The following SOD2 variants were observed in gnomAD, a reference collection of about 807,000 sequenced individuals.
The protein encoded by SOD2 is superoxide dismutase [Mn], mitochondrial.
A neutral mutation model predicts 27.0 loss-of-function variants in SOD2; 11 were observed. That is an observed-to-expected ratio of 0.41 (90% CI 0.26 to 0.67). SOD2 has a LOEUF of 0.67. Among genes scored for constraint, SOD2 ranks in the 30% least tolerant of loss-of-function variants. SOD2 has a pLI of 0.34. For synonymous variants in SOD2, 105 were observed against 103.0 expected, an observed-to-expected ratio of 1.02 and a Z score of -0.12; for missense variants, 250 against 274.5, an observed-to-expected ratio of 0.91 and a Z score of 0.63.
intron 1 of SOD2, among the ~76,000 whole-genome samples, chr6:159,733,854 T>G (rs1368935375): frequency 1.3e-5 from 2 of 152,136 alleles, no homozygotes; most frequent in South Asian, 2.1e-4. Context: ...AGGCGGAGGT[T>G]GCGGTGAGCC....
At chr6:159,761,966 G>A (rs1340680667) in exon 1 of SOD2, 5 of 1,124,772 alleles carry the variant, frequency 4.4e-6, no homozygotes, top group East Asian at 2.6e-5. Context: ...TGGTGCGCGG[G>A]GAGGTGGAGG....
At chr6:159,741,146 G>A (rs375101026) in intron 1 of SOD2, among the ~76,000 whole-genome samples, 1 of 152,142 alleles carries the variant, frequency 6.6e-6, no homozygotes, top group Non-Finnish European at 1.5e-5. Flanking sequence ...TCAGGGCAGG[G>A]TGCTTTCCAT....
intron 1 of SOD2, chr6:159,753,640 CGTT>C (rs1562467893): frequency 9.5e-6 from 15 of 1,583,154 alleles, no homozygotes; most frequent in Non-Finnish European, 1.2e-5. Flanking sequence ...CTTTTTGGAA[CGTT>C]GTCTCAACTT....
chr6:159,710,975 C>T (rs551344659), intron 1 of SOD2, among the ~76,000 whole-genome samples: 1,397 of 132,326 alleles, frequency 0.011, 29 homozygotes, highest in African/African-American at 0.038. Flanking sequence ...CCATAACCAC[C>T]TCCATAACCA....
rs1005397632 is a variant in SOD2, at chr6:159,681,335, G to A, written c.*1158C>T. 1.3e-5 allele frequency: 2 copies of A among 152,028 alleles called. No individual in the cohort carries two copies. Among genetic ancestry groups the A allele is most frequent in the Admixed American group, 6.6e-5 (1 of 15,240 alleles). The allele number at this position is 152,028 out of a possible 1,614,324, so 9.4% of individuals were successfully genotyped here. On this transcript the variant is annotated 3_prime_UTR_variant, in exon 5 of 5. Transcript: ENST00000538183. Reference sequence around the variant, plus strand: ...GCCAGGGAAGTTAGAGTCACCTAGAGACATCCTTAACACGTGCCCCTGAGC... The same window carrying A: ...GCCAGGGAAGTTAGAGTCACCTAGAAACATCCTTAACACGTGCCCCTGAGC...
rs978683207 is a variant in SOD2, at chr6:159,680,996, C to G, written c.*1497G>C. The G allele has an allele frequency of 6.6e-6, 1 of 150,856 alleles. No homozygotes were observed. Among genetic ancestry groups the G allele is most frequent in the Non-Finnish European group, 1.5e-5 (1 of 67,818 alleles). The allele number at this position is 150,856 out of a possible 1,614,324, so 9.3% of individuals were successfully genotyped here. A position where few individuals can be genotyped will look rare whatever the true frequency, so the allele number is the denominator to read the frequency against. Reference sequence around the variant, plus strand: ...GAAAATATTCCAATAGGAGATAAACCTATGTACACAGAGTTGCTCACCCCA... The same window carrying G: ...GAAAATATTCCAATAGGAGATAAACGTATGTACACAGAGTTGCTCACCCCA... On this transcript the variant is annotated 3_prime_UTR_variant, in exon 5 of 5. Coordinates refer to ENST00000538183, the MANE Select transcript of SOD2 (RefSeq NM_000636.4).
chr6:159,706,619 A>C (rs1777632132), intron 1 of SOD2, among the ~76,000 whole-genome samples: 1 of 152,200 alleles, frequency 6.6e-6, no homozygotes, highest in East Asian at 1.9e-4. Flanking sequence ...TTCATAAACC[A>C]AGTCCTTAGA....
At chr6:159,748,908 G>C, upstream of SOD2, 1 of 1,170,052 alleles carries the variant, frequency 8.5e-7, no homozygotes, top group Non-Finnish European at 1.1e-6. The surrounding 1 kb of genome is among the most constrained non-coding windows in gnomAD (Gnocchi z 5.6). Context: ...GATTGTTGTT[G>C]AACTTCTGGG....
At position 159,692,882 on chromosome 6, in the gene SOD2, A is replaced by C. The variant is rs1244146433; in HGVS notation, c.24-19T>G. 6.4e-7 allele frequency: 1 copy of C among 1,574,080 alleles called. No homozygotes were observed. On this transcript the variant is annotated intron_variant, in intron 1 of 4. Coordinates refer to ENST00000538183, the MANE Select transcript of SOD2 (RefSeq NM_000636.4). ...GCTGGTGCTGAAGACGAGAAAGCAC[A>C]GCCCGGTCAGTCAGCGCCGCGGGAC...
At chr6:159,755,653 G>C (rs1477137426) in intron 1 of SOD2, 4 of 1,517,578 alleles carry the variant, frequency 2.6e-6, no homozygotes, top group Non-Finnish European at 3.5e-6. Flanking sequence ...TTTAATTTGG[G>C]AGAGGATACT....
upstream of SOD2, among the ~76,000 whole-genome samples, chr6:159,694,978 G>A (rs1458156794): frequency 6.6e-6 from 1 of 152,122 alleles, no homozygotes; most frequent in East Asian, 1.9e-4. Flanking sequence ...AAACATTTCT[G>A]CTGAGGTGAG....
At chr6:159,693,260 G>A, upstream of SOD2, 6 of 1,272,018 alleles carry the variant, frequency 4.7e-6, no homozygotes, top group Non-Finnish European at 6.5e-6. Context: ...TGCGCCGCCC[G>A]CGGGCCTTAA....
chr6:159,710,969 A>G (rs1425863685), intron 1 of SOD2, among the ~76,000 whole-genome samples: 3 of 126,444 alleles, frequency 2.4e-5, no homozygotes, highest in Non-Finnish European at 5.2e-5. Context: ...TGACCTCCAT[A>G]ACCACCTCCA....
chr6:159,736,169 A>G (rs1052165700), intron 1 of SOD2: 1 of 1,264,228 alleles, frequency 7.9e-7, no homozygotes, highest in African/African-American at 1.7e-5. Context: ...GTTCACTAAT[A>G]AATTGATTTG....
intron 2 of SOD2, among the ~76,000 whole-genome samples, chr6:159,689,263 G>A (rs1195382150): frequency 6.6e-6 from 1 of 152,126 alleles, no homozygotes; most frequent in African/African-American, 2.4e-5. Flanking sequence ...CTCATGCTGC[G>A]TTCCTGTTCC....
intron 1 of SOD2, among the ~76,000 whole-genome samples, chr6:159,722,284 C>T (rs1049784550): frequency 6.6e-5 from 10 of 151,896 alleles, no homozygotes; most frequent in African/African-American, 1.7e-4. Context: ...CAGCTTCTGA[C>T]GAGGCACGAG....
chr6:159,748,079 G>C, upstream of SOD2: 1 of 1,297,536 alleles, frequency 7.7e-7, no homozygotes. The surrounding 1 kb of genome is among the most constrained non-coding windows in gnomAD (Gnocchi z 5.6). Context: ...ATCAAAGAGG[G>C]GAGGAGCTTA....
rs571443145 is a variant in SOD2 at position 159,684,269 on chromosome 6, A to G, written c.523+585T>C. On this transcript the variant is annotated intron_variant, in intron 4 of 4. Coordinates refer to ENST00000538183, the MANE Select transcript of SOD2 (RefSeq NM_000636.4). ...TAGCTAATTTTTTTTTTATTTTAGT[A>G]CATATAATTATCTAAGCTGATATTA... 1.3e-4 allele frequency among the ~76,000 whole-genome samples: 20 copies of G among 152,110 alleles called. No individual in the cohort carries two copies. The South Asian group carries it at 3.3e-3, about 25-fold the overall frequency.
intron 1 of SOD2, among the ~76,000 whole-genome samples, chr6:159,742,728 C>T (rs1048698592): frequency 6.6e-6 from 1 of 152,068 alleles, no homozygotes; most frequent in African/African-American, 2.4e-5. Context: ...TCTAATTTTG[C>T]GTGACTGTGT....
Sources: gnomAD v4.1 joint callset for allele counts (sites outside exome capture counted in the v4.1 genomes callset) on GRCh38, gnomAD v4.1.1 for gene constraint, Gnocchi (gnomAD v3.1) non-coding constraint, MANE v1.5 for transcripts, NCBI Gene and HGNC (gene_info 2026-07-23, HGNC 2026-07-21) for gene names.